Variants in TASP1 observed in about 807,000 individuals in gnomAD.
TASP1 encodes threonine aspartase 1.
In TASP1, 16 loss-of-function variants were observed where a neutral mutation model predicts 56.6. The ratio of observed to expected loss-of-function variants is 0.28; its 90% CI spans 0.19 to 0.43. TASP1 has a LOEUF of 0.43. Among genes scored for constraint, TASP1 ranks in the 20% least tolerant of loss-of-function variants. TASP1 has a pLI of 1.00. For synonymous variants in TASP1, 179 were observed against 184.2 expected, an observed-to-expected ratio of 0.97 and a Z score of 0.23; for missense variants, 393 against 511.6, an observed-to-expected ratio of 0.77 and a Z score of 2.24.
chr20:13,534,009 C>A lies in TASP1; in HGVS notation c.795+13G>T, dbSNP rs191505058. On this transcript the variant is annotated intron_variant, in intron 9 of 13. Transcript: ENST00000337743. The stretch of plus-strand genomic sequence containing the variant: ...CTTTGAAAGGCTAGTTTAAAAAACC[C>A]ATAATTACTTACCTGCCCAACTCTC... 6.2e-7 allele frequency: 1 copy of A among 1,604,506 alleles called. No homozygotes were observed. The highest frequency in any genetic ancestry group is 8.5e-7 in the Non-Finnish European group (1 of 1,176,310).
intron 10 of TASP1, among the ~76,000 whole-genome samples, chr20:13,526,597 A>G (rs1224391213): frequency 2.0e-4 from 31 of 152,200 alleles, no homozygotes; most frequent in Admixed American, 2.0e-3. Flanking sequence ...TTATAGTAGT[A>G]TGGATTCGAT....
chr20:13,615,638 G>A (rs2048497681), intron 4 of TASP1, among the ~76,000 whole-genome samples: 1 of 151,192 alleles, frequency 6.6e-6, no homozygotes, highest in Non-Finnish European at 1.5e-5. Flanking sequence ...CCGAGTAGCT[G>A]GGACTACAGG....
At chr20:13,303,169 C>T in the TASP1 span, among the ~76,000 whole-genome samples, 1 of 152,222 alleles carries the variant, frequency 6.6e-6, no homozygotes, top group Non-Finnish European at 1.5e-5. Context: ...CTCCTTGAAG[C>T]CAGCAGTGTC....
At chr20:13,326,732 T>A in the TASP1 span, among the ~76,000 whole-genome samples, 3 of 152,298 alleles carry the variant, frequency 2.0e-5, no homozygotes, top group Non-Finnish European at 4.4e-5. Context: ...TCTCAATAGA[T>A]GAAGAAGAGG....
the TASP1 span, chr20:13,117,372 C>T: frequency 1.2e-6 from 1 of 818,986 alleles, no homozygotes; most frequent in Middle Eastern, 3.6e-4. Flanking sequence ...TTGTCTCAGC[C>T]AAATAAAACA....
chr20:13,466,278 A>G (rs1310951005), intron 11 of TASP1, among the ~76,000 whole-genome samples: 2 of 152,200 alleles, frequency 1.3e-5, no homozygotes, highest in Non-Finnish European at 2.9e-5. Context: ...CTAATAAAGT[A>G]TATATTAAAA....
the TASP1 span, among the ~76,000 whole-genome samples, chr20:13,117,944 A>C: frequency 3.9e-5 from 6 of 152,208 alleles, no homozygotes; most frequent in African/African-American, 7.2e-5. Flanking sequence ...TGATCACACT[A>C]TAATGAAATG....
the TASP1 span, among the ~76,000 whole-genome samples, chr20:13,350,372 CA>C: frequency 6.6e-6 from 1 of 152,038 alleles, no homozygotes; most frequent in South Asian, 2.1e-4. Context: ...ATCTTTTGTA[CA>C]CATAGTAACA....
the TASP1 span, among the ~76,000 whole-genome samples, chr20:13,243,514 C>T: frequency 0.012 from 1,899 of 152,284 alleles, 42 homozygotes; most frequent in African/African-American, 0.043. Context: ...CAGTGTTCCA[C>T]ACTTAGGGCT....
At chr20:13,186,747 C>T in the TASP1 span, among the ~76,000 whole-genome samples, 367 of 152,240 alleles carry the variant, frequency 2.4e-3, 1 homozygote, top group African/African-American at 8.5e-3. Flanking sequence ...ATAGCTAAGC[C>T]TTAAACAAAG....
intron 10 of TASP1, among the ~76,000 whole-genome samples, chr20:13,513,025 T>G (rs1482327619): frequency 6.6e-6 from 1 of 152,162 alleles, no homozygotes; most frequent in Admixed American, 6.6e-5. Flanking sequence ...TAGTTTGAAG[T>G]CAGGTAGCGA....
chr20:13,579,587 G>A (rs981113516), intron 6 of TASP1, among the ~76,000 whole-genome samples: 42 of 151,994 alleles, frequency 2.8e-4, no homozygotes, highest in African/African-American at 9.7e-4. Context: ...TCCTGATCTC[G>A]TGATCTGCCC....
the TASP1 span, among the ~76,000 whole-genome samples, chr20:13,147,070 G>C: frequency 6.6e-6 from 1 of 152,152 alleles, no homozygotes; most frequent in African/African-American, 2.4e-5. Flanking sequence ...GTGGAGGCAG[G>C]GTGTTTTCCC....
At chr20:13,488,126 GA>G (rs2043394517) in intron 10 of TASP1, among the ~76,000 whole-genome samples, 1 of 152,014 alleles carries the variant, frequency 6.6e-6, no homozygotes, top group Admixed American at 6.6e-5. Flanking sequence ...AGAGAGGAAA[GA>G]AAGAAGAAAG....
chr20:13,614,099 T>C (rs2048441335), intron 4 of TASP1, among the ~76,000 whole-genome samples: 1 of 152,164 alleles, frequency 6.6e-6, no homozygotes. Context: ...TCTGAGGAAA[T>C]TACTCAACTT....
chr20:13,153,901 G>A, the TASP1 span: 2 of 1,469,448 alleles, frequency 1.4e-6, no homozygotes, highest in Non-Finnish European at 9.3e-7. Context: ...AGCTAGTGCT[G>A]CTGGCCTGCA....
chr20:13,157,474 T>C, the TASP1 span, among the ~76,000 whole-genome samples: 12 of 152,216 alleles, frequency 7.9e-5, no homozygotes, highest in African/African-American at 2.6e-4. Context: ...ACACAGGTTG[T>C]AGGCAGCAGA....
At chr20:13,430,951 G>GA (rs2042785003) in intron 12 of TASP1, among the ~76,000 whole-genome samples, 1 of 152,144 alleles carries the variant, frequency 6.6e-6, no homozygotes, top group Admixed American at 6.5e-5. Context: ...CGGCTTCCAG[G>GA]AAACTCCATC....
chr20:13,557,673 C>T (rs1378334803), intron 8 of TASP1, among the ~76,000 whole-genome samples: 1 of 150,440 alleles, frequency 6.6e-6, no homozygotes, highest in African/African-American at 2.5e-5. Context: ...CTTGACACCC[C>T]AGACTCAGGT....
Sources: gnomAD v4.1 joint callset for allele counts (sites outside exome capture counted in the v4.1 genomes callset) on GRCh38, gnomAD v4.1.1 for gene constraint, MANE v1.5 for transcripts, NCBI Gene and HGNC (gene_info 2026-07-23, HGNC 2026-07-21) for gene names.